The following DMD variants were observed in gnomAD, a reference collection of about 807,000 sequenced individuals.
DMD encodes the protein mutant dystrophin.
In DMD, 63 loss-of-function variants were observed where a neutral mutation model predicts 330.1. The ratio of observed to expected loss-of-function variants is 0.19; its 90% confidence interval spans 0.16 to 0.24. The LOEUF (loss-of-function observed/expected upper bound fraction) is 0.24. Among genes scored for constraint, DMD ranks in the 10% least tolerant of loss-of-function variants. The pLI, the probability that DMD is intolerant of heterozygous loss-of-function variation, is 1.00. For missense variants in DMD, 3,344 were observed against 2,684.1 expected (o/e 1.25, Z -5.43); for synonymous variants, 1,223 against 959.8 (o/e 1.27, Z -5.07).
At chrX:31,250,184 CA>C (rs751924001) in intron 63 of DMD, among the ~76,000 whole-genome samples, 1 of 111,484 alleles carries the variant, frequency 9.0e-6, no homozygotes, top group Non-Finnish European at 1.9e-5. Context: ...GCATATATCA[CA>C]GTTTATATTC....
chrX:31,620,719 A>G (rs958817788), intron 55 of DMD, among the ~76,000 whole-genome samples: 4 of 111,346 alleles, frequency 3.6e-5, no homozygotes, highest in African/African-American at 1.3e-4. Flanking sequence ...CTGGCCCATG[A>G]TATGAATTTT....
rs759509128 is a variant in DMD at position 31,702,103 on chromosome X, T to C, written c.7661-22517A>G. Among the ~76,000 whole-genome samples, 3 of 112,210 alleles carry C rather than the reference T, an allele frequency of 2.7e-5. No individual in the cohort carries two copies. In the South Asian group the frequency reaches 1.1e-3, roughly 42 times the overall value. On this transcript the variant is annotated intron_variant, in intron 52 of 78. Coordinates refer to ENST00000357033, the MANE Select transcript of DMD (RefSeq NM_004006.3). ...TTGAAACCTTCTCTTTTGATTAATA[T>C]GGAAGATTCCTTCTTGGATTTTATT...
intron 26 of DMD, among the ~76,000 whole-genome samples, chrX:32,449,455 G>T (rs2098320250): frequency 9.1e-6 from 1 of 109,644 alleles, no homozygotes; most frequent in African/African-American, 3.3e-5. Flanking sequence ...GCCTCATTCT[G>T]GTCTTCTCTC....
chrX:31,248,451 C>A (rs190894230), intron 63 of DMD, among the ~76,000 whole-genome samples: 3 of 112,217 alleles, frequency 2.7e-5, no homozygotes, highest in Admixed American at 1.9e-4. Flanking sequence ...TACCTCCTCT[C>A]CTTTAAGATC....
chrX:33,067,305 C>T (rs1205941294), intron 1 of DMD, among the ~76,000 whole-genome samples: 6 of 111,571 alleles, frequency 5.4e-5, no homozygotes, highest in Non-Finnish European at 9.4e-5. Flanking sequence ...GTGGATTCTC[C>T]GAATGATTAT....
chrX:32,404,437 A>G (rs150714816), intron 30 of DMD, among the ~76,000 whole-genome samples: 2 of 111,276 alleles, frequency 1.8e-5, no homozygotes, highest in Admixed American at 1.9e-4. Flanking sequence ...TCATAAATCT[A>G]CTATGTGGGA....
chrX:33,246,941 C>T (rs2052673082), intron 1 of DMD, among the ~76,000 whole-genome samples: 1 of 111,250 alleles, frequency 9.0e-6, no homozygotes, highest in Non-Finnish European at 1.9e-5. Flanking sequence ...ACCTCAGCTT[C>T]CCAAAGTGCT....
At chrX:32,703,103 C>T (rs763846838) in intron 7 of DMD, among the ~76,000 whole-genome samples, 5 of 111,432 alleles carry the variant, frequency 4.5e-5, no homozygotes, top group Non-Finnish European at 9.4e-5. Context: ...GAAGATAATT[C>T]TCAAACTAAT....
At chrX:33,024,327 A>C (rs1379549926) in intron 1 of DMD, among the ~76,000 whole-genome samples, 1 of 112,196 alleles carries the variant, frequency 8.9e-6, no homozygotes, top group Non-Finnish European at 1.9e-5. Flanking sequence ...AACTGATTTT[A>C]TTTTACTAAT....
intron 7 of DMD, among the ~76,000 whole-genome samples, chrX:32,763,617 A>AT (rs2072602368): frequency 8.9e-6 from 1 of 111,840 alleles, no homozygotes; most frequent in Non-Finnish European, 1.9e-5. Context: ...CAAAGTAAAA[A>AT]TTTTCACAAT....
At position 32,586,591 on chromosome X, in the gene DMD, C is replaced by T. The variant is rs745624840; in HGVS notation, c.1602+9166G>A. Among the ~76,000 whole-genome samples, 57 of 109,569 alleles carry T rather than the reference C, an allele frequency of 5.2e-4. No individual in the cohort carries two copies. In the East Asian group the frequency reaches 8.3e-3, roughly 16 times the overall value. Reference sequence around the variant, plus strand: ...CATGAATGAGTTAAATTTACAGGTACGAATACATTACTGTGTTACATAGGT... The same window carrying T: ...CATGAATGAGTTAAATTTACAGGTATGAATACATTACTGTGTTACATAGGT... On this transcript the variant is annotated intron_variant, in intron 13 of 78. Coordinates refer to ENST00000357033, the MANE Select transcript of DMD (RefSeq NM_004006.3).
chrX:32,132,506 G>A (rs1603626668), intron 44 of DMD, among the ~76,000 whole-genome samples: 1 of 111,489 alleles, frequency 9.0e-6, no homozygotes, highest in East Asian at 2.8e-4. Flanking sequence ...AACCATGGTT[G>A]GAATTTAGGT....
intron 52 of DMD, among the ~76,000 whole-genome samples, chrX:31,720,864 G>C (rs777759323): frequency 4.5e-5 from 5 of 110,490 alleles, no homozygotes; most frequent in Non-Finnish European, 9.5e-5. Context: ...AAATATAATC[G>C]CAACAGGTAA....
chrX:32,363,696 C>T (rs191454094), intron 36 of DMD, among the ~76,000 whole-genome samples: 433 of 111,836 alleles, frequency 3.9e-3, no homozygotes, highest in Non-Finnish European at 6.3e-3. Context: ...TGGGGATAGC[C>T]TGGAATGAAT....
At chrX:32,190,569 T>G (rs1440595185) in intron 44 of DMD, among the ~76,000 whole-genome samples, 1 of 95,702 alleles carries the variant, frequency 1.0e-5, no homozygotes, top group African/African-American at 3.8e-5. Flanking sequence ...TATATATATA[T>G]ATATATATAT....
chrX:33,174,649 A>G (rs1262219594), intron 1 of DMD, among the ~76,000 whole-genome samples: 4 of 111,689 alleles, frequency 3.6e-5, no homozygotes, highest in Non-Finnish European at 7.5e-5. Context: ...AAGCTCAGTC[A>G]TGAAATTAGG....
At chrX:33,023,172 A>G (rs12836525) in intron 1 of DMD, among the ~76,000 whole-genome samples, 11,256 of 111,662 alleles carry the variant, frequency 0.1, 781 homozygotes, top group African/African-American at 0.23. Flanking sequence ...TAAATTCCCC[A>G]TAAATACATA....
At chrX:32,796,910 T>A (rs945236366) in intron 7 of DMD, among the ~76,000 whole-genome samples, 17 of 112,137 alleles carry the variant, frequency 1.5e-4, no homozygotes, top group African/African-American at 5.5e-4. Context: ...CAACAAAGAC[T>A]TTAGTTCATC....
chrX:31,501,659 C>A (rs1248330834), intron 56 of DMD, among the ~76,000 whole-genome samples: 3 of 111,888 alleles, frequency 2.7e-5, no homozygotes, highest in Non-Finnish European at 5.6e-5. Context: ...ATTGTTATTT[C>A]TCTAGACACA....
Sources: allele counts gnomAD v4.1 joint callset (sites outside exome capture counted in the v4.1 genomes callset), GRCh38; gene constraint gnomAD v4.1.1; transcripts MANE v1.5; gene names NCBI Gene and HGNC (gene_info 2026-07-23, HGNC 2026-07-21).